The following SMG6 variants were observed in gnomAD, a reference collection of about 807,000 sequenced individuals.
The protein encoded by SMG6 is telomerase-binding protein EST1A.
A neutral mutation model predicts 142.2 loss-of-function variants in SMG6; 66 were observed. That is an observed-to-expected ratio of 0.46 (90% CI 0.38 to 0.57). SMG6 has a LOEUF of 0.57. Ranked by LOEUF, SMG6 falls within the 20% of genes least tolerant of loss-of-function variation. The pLI is 0.00. For missense variants in SMG6, 1,793 were observed against 1,832.0 expected, an observed-to-expected ratio of 0.98 and a Z score of 0.39; for synonymous variants, 779 against 702.4, an observed-to-expected ratio of 1.11 and a Z score of -1.72.
At chr17:2,113,299 C>T (rs2069397707) in intron 13 of SMG6, among the ~76,000 whole-genome samples, 1 of 152,002 alleles carries the variant, frequency 6.6e-6, no homozygotes, top group South Asian at 2.1e-4. Flanking sequence ...TGGACTCGAA[C>T]TCCTGGGCTC....
At chr17:2,196,836 G>A (rs551187788) in intron 10 of SMG6, among the ~76,000 whole-genome samples, 2 of 152,230 alleles carry the variant, frequency 1.3e-5, no homozygotes, top group Admixed American at 6.5e-5. Flanking sequence ...TGAGACTAAC[G>A]TAAACAACAT....
intron 13 of SMG6, among the ~76,000 whole-genome samples, chr17:2,159,075 T>A (rs1432864314): frequency 6.6e-6 from 1 of 152,142 alleles, no homozygotes; most frequent in African/African-American, 2.4e-5. Context: ...GAGGATATAA[T>A]AATTGTCAGT....
In SMG6 at chr17:2,230,904, G is replaced by C. The variant is rs2073471189; in HGVS notation, c.2869+5588C>G. Among the ~76,000 whole-genome samples, 3 of 152,146 alleles carry C rather than the reference G, an allele frequency of 2.0e-5. No individual in the cohort carries two copies. The South Asian group carries it at 6.2e-4, about 32-fold the overall frequency. Reference sequence around the variant, plus strand: ...CTCTAAACTGAGGCATCCTGAAAATGAAAGTCAGGTGGCAATGATTCCCTA... The same window carrying C: ...CTCTAAACTGAGGCATCCTGAAAATCAAAGTCAGGTGGCAATGATTCCCTA... On this transcript the variant is annotated intron_variant, in intron 10 of 18. Coordinates refer to ENST00000263073, the MANE Select transcript of SMG6 (RefSeq NM_017575.5).
At position 2,102,865 on chromosome 17, in the gene SMG6, T is replaced by C. The variant is rs572125346; in HGVS notation, c.3358-16964A>G. Among the ~76,000 whole-genome samples the C allele has an allele frequency of 1.2e-3, 178 of 152,282 alleles. 1 individual carries two copies. Among genetic ancestry groups the C allele is most frequent in the African/African-American group, 3.9e-3 (163 of 41,560 alleles). The stretch of plus-strand genomic sequence containing the variant: ...TTTTATGAGCTGGACTCTTTCAGAT[T>C]CTACATGTAAGTGAGAACATATGGT... On this transcript the variant is annotated intron_variant, in intron 13 of 18. Coordinates refer to ENST00000263073, the MANE Select transcript of SMG6 (RefSeq NM_017575.5).
chr17:2,259,546 A>G (rs2074266271), intron 8 of SMG6, among the ~76,000 whole-genome samples: 1 of 151,920 alleles, frequency 6.6e-6, no homozygotes, highest in Non-Finnish European at 1.5e-5. Context: ...CTATGGTGGC[A>G]CACGCCTGTA....
At chr17:2,095,448 A>G (rs1440391239) in intron 13 of SMG6, among the ~76,000 whole-genome samples, 1 of 152,176 alleles carries the variant, frequency 6.6e-6, no homozygotes. Flanking sequence ...TGTAGTCTTC[A>G]ACACACTTAG....
chr17:2,140,379 C>A (rs546007288), intron 13 of SMG6, among the ~76,000 whole-genome samples: 80 of 152,280 alleles, frequency 5.3e-4, no homozygotes, highest in African/African-American at 1.9e-3. Flanking sequence ...TTTTTAAATT[C>A]TTCATATCCA....
intron 8 of SMG6, among the ~76,000 whole-genome samples, chr17:2,264,165 G>T (rs946375006): frequency 1.3e-5 from 2 of 152,066 alleles, no homozygotes; most frequent in African/African-American, 4.8e-5. Context: ...TTATTTGGAA[G>T]GCTCTTCACA....
At chr17:2,067,765 T>C (rs1177755738) in intron 16 of SMG6, among the ~76,000 whole-genome samples, 1 of 152,100 alleles carries the variant, frequency 6.6e-6, no homozygotes, top group Non-Finnish European at 1.5e-5. Context: ...CCCCCCAGGG[T>C]TCTGCAGCCT....
At chr17:2,242,027 T>C (rs2073813508) in intron 9 of SMG6, among the ~76,000 whole-genome samples, 1 of 152,084 alleles carries the variant, frequency 6.6e-6, no homozygotes, top group African/African-American at 2.4e-5. Context: ...CCAAGTATCC[T>C]ACAACGCACA....
chr17:2,251,793 C>A (rs968008685), intron 8 of SMG6, among the ~76,000 whole-genome samples: 1 of 152,186 alleles, frequency 6.6e-6, no homozygotes, highest in African/African-American at 2.4e-5. Flanking sequence ...AGAAAGGAAA[C>A]TGGCACCAGG....
intron 8 of SMG6, among the ~76,000 whole-genome samples, chr17:2,279,952 G>A (rs537175165): frequency 2.0e-5 from 3 of 152,140 alleles, no homozygotes; most frequent in East Asian, 1.9e-4. Flanking sequence ...ATGCTCCCAC[G>A]GCCTCTCATG....
intron 13 of SMG6, among the ~76,000 whole-genome samples, chr17:2,112,620 T>C (rs556981688): frequency 2.6e-5 from 4 of 151,100 alleles, no homozygotes; most frequent in South Asian, 2.1e-4. Flanking sequence ...AATGTAAAAA[T>C]TGAATTTTTT....
chr17:2,206,691 C>T (rs1340745659), intron 10 of SMG6, among the ~76,000 whole-genome samples: 2 of 151,982 alleles, frequency 1.3e-5, no homozygotes, highest in African/African-American at 4.8e-5. Context: ...GACCAGAGGC[C>T]AGCCTGACCA....
chr17:2,294,542 G>A (rs978225179), intron 4 of SMG6, among the ~76,000 whole-genome samples: 29 of 152,232 alleles, frequency 1.9e-4, no homozygotes, highest in African/African-American at 6.0e-4. Context: ...CTCCACTTCA[G>A]GGCCTTTAAG....
chr17:2,231,639 G>A (rs2073497481), intron 10 of SMG6, among the ~76,000 whole-genome samples: 1 of 152,108 alleles, frequency 6.6e-6, no homozygotes, highest in African/African-American at 2.4e-5. Context: ...AGAGGTTGCA[G>A]TGAGCCGAGA....
At chr17:2,070,569 T>G (rs919700022) in intron 15 of SMG6, among the ~76,000 whole-genome samples, 1 of 152,098 alleles carries the variant, frequency 6.6e-6, no homozygotes, top group African/African-American at 2.4e-5. Flanking sequence ...TCACTGACAA[T>G]GACAGTAAAA....
intron 13 of SMG6, among the ~76,000 whole-genome samples, chr17:2,107,329 C>A (rs1299202113): frequency 7.2e-5 from 11 of 152,292 alleles, no homozygotes; most frequent in Non-Finnish European, 1.5e-5. Flanking sequence ...TGGGGACTGT[C>A]ATTTCCTGTT....
At chr17:2,175,496 A>T (rs939054870) in intron 12 of SMG6, among the ~76,000 whole-genome samples, 1 of 152,000 alleles carries the variant, frequency 6.6e-6, no homozygotes, top group Admixed American at 6.6e-5. Flanking sequence ...GGTTCTCATT[A>T]CCATGCTCTC....
Sources: allele counts gnomAD v4.1 joint callset (sites outside exome capture counted in the v4.1 genomes callset), GRCh38; gene constraint gnomAD v4.1.1; transcripts MANE v1.5; gene names NCBI Gene and HGNC (gene_info 2026-07-23, HGNC 2026-07-21).